The following HECW2 variants were observed in gnomAD, a reference collection of about 807,000 sequenced individuals.
HECW2 encodes the protein E3 ubiquitin-protein ligase HECW2.
HECW2 carries 61 observed loss-of-function variants against 175.2 expected under a neutral mutation model. The ratio of observed to expected loss-of-function variants is 0.35; its 90% confidence interval spans 0.28 to 0.43. The LOEUF (loss-of-function observed/expected upper bound fraction) is 0.43, where lower values mean the gene tolerates loss of function less well. Among genes scored for constraint, HECW2 ranks in the 20% least tolerant of loss-of-function variants. The probability of loss-of-function intolerance (pLI) is 1.00; values close to 1 mark genes in which losing one functional copy is unlikely to be tolerated. For synonymous variants in HECW2, 671 were observed against 731.0 expected, an observed-to-expected ratio of 0.92 and a Z score of 1.32; for missense variants, 1,524 against 2,000.5, an observed-to-expected ratio of 0.76 and a Z score of 4.54.
intron 3 of HECW2, among the ~76,000 whole-genome samples, chr2:196,336,987 T>A (rs534224275): frequency 6.6e-6 from 1 of 150,548 alleles, no homozygotes; most frequent in African/African-American, 2.5e-5. Flanking sequence ...TGCGTAGGGA[T>A]GAAAACTAGC....
At chr2:196,534,683 C>T (rs1451964496) in intron 1 of HECW2, among the ~76,000 whole-genome samples, 1 of 152,108 alleles carries the variant, frequency 6.6e-6, no homozygotes, top group Non-Finnish European at 1.5e-5. Flanking sequence ...TTTCAAAGAG[C>T]TAAAAGTAGC....
chr2:196,240,642 T>C, intron 20 of HECW2, 80 bp from the exon 21 acceptor site: 1 of 1,293,762 alleles, frequency 7.7e-7, no homozygotes, highest in Non-Finnish European at 1.0e-6. Context: ...TCTAGAACAT[T>C]TCCATTTGCC....
At chr2:196,347,007 CAAAA>C (rs200981726) in intron 2 of HECW2, among the ~76,000 whole-genome samples, 2 of 130,016 alleles carry the variant, frequency 1.5e-5, no homozygotes, top group African/African-American at 2.9e-5. Flanking sequence ...GACTCCGTCT[CAAAA>C]AAAAAAAAAA....
chr2:196,348,642 T>C (rs1299307012), intron 2 of HECW2, among the ~76,000 whole-genome samples: 1 of 151,970 alleles, frequency 6.6e-6, no homozygotes, highest in Non-Finnish European at 1.5e-5. Flanking sequence ...AGCAAGACCC[T>C]AACTCAAAAA....
chr2:196,296,496 A>G (rs1157230017), intron 13 of HECW2, among the ~76,000 whole-genome samples: 1 of 152,222 alleles, frequency 6.6e-6, no homozygotes, highest in Non-Finnish European at 1.5e-5. Context: ...AGAAAGTGGC[A>G]AAATTGTTCA....
chr2:196,505,276 C>A lies in HECW2; in HGVS notation c.-35-71818G>T, dbSNP rs113579051. 7.0e-4 allele frequency among the ~76,000 whole-genome samples: 107 copies of A among 152,250 alleles called. 3 individuals carry two copies. The highest frequency in any genetic ancestry group is 2.1e-3 in the African/African-American group (88 of 41,538). On this transcript the variant is annotated intron_variant, in intron 1 of 28. Transcript: ENST00000644978. Reference sequence around the variant, plus strand: ...AAACAAGGCCAGGCACAGTGGCTCACGCTTGTAATCCCAGCACTTTGGGAA... The same window carrying A: ...AAACAAGGCCAGGCACAGTGGCTCAAGCTTGTAATCCCAGCACTTTGGGAA...
At chr2:196,221,332 G>T (rs1470916001) in intron 24 of HECW2, among the ~76,000 whole-genome samples, 1 of 152,144 alleles carries the variant, frequency 6.6e-6, no homozygotes, top group African/African-American at 2.4e-5. Context: ...TCAAGTGAAT[G>T]TTAAATTGAG....
intron 13 of HECW2, among the ~76,000 whole-genome samples, chr2:196,298,503 AT>A (rs374349547): frequency 0.022 from 3,277 of 151,856 alleles, 124 homozygotes; most frequent in African/African-American, 0.074. Flanking sequence ...TACATTTATT[AT>A]TTTTTTCTTA....
chr2:196,543,267 C>A (rs903267851), intron 1 of HECW2, among the ~76,000 whole-genome samples: 3 of 150,042 alleles, frequency 2.0e-5, no homozygotes, highest in African/African-American at 7.3e-5. Context: ...CCTATAATTT[C>A]TCAGAATTAG....
chr2:196,201,241 C>T lies in HECW2; in HGVS notation c.*36G>A. 1 of 1,349,368 alleles carries T rather than the reference C, an allele frequency of 7.4e-7. No individual in the cohort carries two copies. The highest frequency in any genetic ancestry group is 1.1e-6 in the Non-Finnish European group (1 of 938,740). The allele number at this position is 1,349,368 out of a possible 1,614,324, so 83.6% of individuals were successfully genotyped here. Reference sequence around the variant, plus strand: ...TTCTTCTAGAAGGCAGCTTCTGAACCTGCCTGTCCACAGAGATGGGCATTC... The same window carrying T: ...TTCTTCTAGAAGGCAGCTTCTGAACTTGCCTGTCCACAGAGATGGGCATTC... On this transcript the variant is annotated 3_prime_UTR_variant, in exon 29 of 29. Coordinates refer to ENST00000644978, the MANE Select transcript of HECW2 (RefSeq NM_001348768.2).
Position 196,317,277 on chromosome 2 carries a change from G to A in HECW2, c.2431C>T (p.Pro811Ser). 2 of 1,610,870 alleles carry A rather than the reference G, an allele frequency of 1.2e-6. No homozygotes were observed. Among genetic ancestry groups the A allele is most frequent in the Non-Finnish European group, 1.7e-6 (2 of 1,178,220 alleles). The change falls in exon 10 of 29, where the codon CCA (proline) becomes TCA (serine). Residue 811 changes from proline (P) to serine (S), a missense_variant. Coordinates refer to ENST00000644978, the MANE Select transcript of HECW2 (RefSeq NM_001348768.2). ...CTTTTAACTAACAGGTCCTCACTTG[G>A]TGGGAGAGCCTCGTCCACCCTCTGG... ...RYQRVDEALP[P>S]NWEARIDSHG... is the part of the protein sequence containing the mutation.
At chr2:196,481,257 A>G (rs1686835335) in intron 1 of HECW2, among the ~76,000 whole-genome samples, 1 of 152,204 alleles carries the variant, frequency 6.6e-6, no homozygotes, top group Admixed American at 6.5e-5. Context: ...GAATGTCACA[A>G]TTTTAGCTTG....
intron 4 of HECW2, among the ~76,000 whole-genome samples, chr2:196,331,779 T>C (rs1044357646): frequency 5.9e-5 from 9 of 152,172 alleles, no homozygotes; most frequent in Non-Finnish European, 1.3e-4. Context: ...AATAATTCAA[T>C]TTTTATCATT....
At chr2:196,229,736 C>A (rs1041484712) in intron 21 of HECW2, among the ~76,000 whole-genome samples, 1 of 152,162 alleles carries the variant, frequency 6.6e-6, no homozygotes, top group Non-Finnish European at 1.5e-5. Context: ...GAACAGACTT[C>A]AATTATTCAT....
At chr2:196,492,100 T>C (rs1488999619) in intron 1 of HECW2, among the ~76,000 whole-genome samples, 1 of 152,160 alleles carries the variant, frequency 6.6e-6, no homozygotes, top group African/African-American at 2.4e-5. Flanking sequence ...AAATATACAA[T>C]CTCTTACAAA....
Position 196,347,007 on chromosome 2 carries a change from CAA to C in HECW2, c.293-3245_293-3244del, listed in dbSNP as rs200981726. ...TGGGCGACAGAGTGAGACTCCGTCTCAAAAAAAAAAAAAAAAATTCCATTTCC... is the reference window on the plus strand; with the variant it reads ...TGGGCGACAGAGTGAGACTCCGTCTCAAAAAAAAAAAAAAATTCCATTTCC... On this transcript the variant is annotated intron_variant, in intron 2 of 28. Coordinates refer to ENST00000644978, the MANE Select transcript of HECW2 (RefSeq NM_001348768.2). 7.7e-3 allele frequency among the ~76,000 whole-genome samples: 1,004 copies of C among 129,988 alleles called. 10 individuals are homozygous for C. Among genetic ancestry groups the C allele is most frequent in the Middle Eastern group, 0.023 (6 of 256 alleles). The allele number at this position is 129,988 out of a possible 152,430, so 85.3% of individuals were successfully genotyped here. A position where few individuals can be genotyped will look rare whatever the true frequency, so the allele number is the denominator to read the frequency against.
At chr2:196,248,597 G>GACACACACAC (rs35800907) in intron 19 of HECW2, among the ~76,000 whole-genome samples, 2,301 of 143,992 alleles carry the variant, frequency 0.016, 26 homozygotes, top group African/African-American at 0.03. Flanking sequence ...GAGACAGACA[G>GACACACACAC]ACACACACAC....
chr2:196,343,684 T>C lies in HECW2; in HGVS notation c.373A>G (p.Ile125Val). Reference protein sequence around the residue: ...GTQKGQIVWRIEPGPYFMEPE... With the variant: ...GTQKGQIVWRVEPGPYFMEPE... Reference sequence around the variant, plus strand: ...TCCATGAAATAGGGCCCAGGCTCAATTCTCCATACAATTTGCCCTTTTTGT... The same window carrying C: ...TCCATGAAATAGGGCCCAGGCTCAACTCTCCATACAATTTGCCCTTTTTGT... Residue 125 changes from isoleucine (I) to valine (V), a missense_variant, in exon 3 of 29, where the codon ATT (isoleucine) becomes GTT (valine). Coordinates refer to ENST00000644978, the MANE Select transcript of HECW2 (RefSeq NM_001348768.2). 1 of 1,613,238 alleles carries C rather than the reference T, an allele frequency of 6.2e-7. No individual in the cohort carries two copies. The highest frequency in any genetic ancestry group is 1.3e-5 in the African/African-American group (1 of 75,032).
intron 17 of HECW2, among the ~76,000 whole-genome samples, chr2:196,261,194 C>T (rs966316309): frequency 6.6e-6 from 1 of 152,118 alleles, no homozygotes; most frequent in African/African-American, 2.4e-5. Context: ...TAACTTGCAT[C>T]ATGAAAATGA....
Sources: allele counts gnomAD v4.1 joint callset (sites outside exome capture counted in the v4.1 genomes callset), GRCh38; gene constraint gnomAD v4.1.1; transcripts MANE v1.5; gene names NCBI Gene and HGNC (gene_info 2026-07-23, HGNC 2026-07-21).